The following TTC6 variants were observed in gnomAD, a reference collection of about 807,000 sequenced individuals.
TTC6 encodes tetratricopeptide repeat protein 6.
TTC6 carries 172 observed loss-of-function variants against 210.4 expected under a neutral mutation model. That is an observed-to-expected ratio of 0.82 (90% CI 0.72 to 0.93). The LOEUF (loss-of-function observed/expected upper bound fraction) is 0.93, where lower values mean the gene tolerates loss of function less well. Among genes scored for constraint, TTC6 ranks in the 40% least tolerant of loss-of-function variants. TTC6 has a pLI of 0.00. For synonymous variants in TTC6, 804 were observed against 819.6 expected, an observed-to-expected ratio of 0.98 and a Z score of 0.32; for missense variants, 2,414 against 2,318.1, an observed-to-expected ratio of 1.04 and a Z score of -0.85.
intron 4 of TTC6, among the ~76,000 whole-genome samples, chr14:37,700,502 G>T (rs2095822863): frequency 6.6e-6 from 1 of 151,990 alleles, no homozygotes; most frequent in Non-Finnish European, 1.5e-5. Context: ...CAGCACTTTG[G>T]GAGGCCAAGG....
chr14:37,737,673 G>T, exon 9 of TTC6: 1 of 1,518,972 alleles, frequency 6.6e-7, no homozygotes, highest in East Asian at 2.5e-5. Flanking sequence ...TTCTTACCAA[G>T]AAAATCTGCA....
intron 29 of TTC6, among the ~76,000 whole-genome samples, chr14:37,839,052 ATTG>A (rs1258217420): frequency 1.3e-5 from 2 of 152,036 alleles, no homozygotes; most frequent in Admixed American, 1.3e-4. Flanking sequence ...CCAATCTATT[ATTG>A]TTGGGGATTT....
intron 1 of TTC6, among the ~76,000 whole-genome samples, chr14:37,637,288 T>C (rs543811563): frequency 2.9e-4 from 44 of 152,354 alleles, no homozygotes; most frequent in African/African-American, 1.0e-3. Flanking sequence ...AAATGTCTGA[T>C]CCAAAGGACA....
At chr14:37,687,040 A>G (rs1200349368) in intron 3 of TTC6, among the ~76,000 whole-genome samples, 1 of 152,144 alleles carries the variant, frequency 6.6e-6, no homozygotes, top group Non-Finnish European at 1.5e-5. Flanking sequence ...AGGACACAGA[A>G]CCTGACTGTA....
intron 5 of TTC6, among the ~76,000 whole-genome samples, chr14:37,705,630 G>A (rs1425516193): frequency 6.6e-6 from 1 of 152,128 alleles, no homozygotes; most frequent in Non-Finnish European, 1.5e-5. Context: ...CTCTGTGGTA[G>A]GCATAGAGGT....
intron 14 of TTC6, among the ~76,000 whole-genome samples, chr14:37,786,816 C>A (rs1237470386): frequency 6.6e-6 from 1 of 152,306 alleles, no homozygotes; most frequent in Non-Finnish European, 1.5e-5. Flanking sequence ...TAGCTTCTTT[C>A]TTCTGTTTTT....
exon 1 of TTC6, chr14:37,622,941 G>T (rs745759551): frequency 2.6e-6 from 4 of 1,531,268 alleles, no homozygotes; most frequent in South Asian, 1.2e-5. Flanking sequence ...GCTGGCCTCC[G>T]ACCAGACCAT....
At chr14:37,631,376 A>T (rs143817502) in intron 1 of TTC6, among the ~76,000 whole-genome samples, 1 of 152,114 alleles carries the variant, frequency 6.6e-6, no homozygotes, top group East Asian at 1.9e-4. Flanking sequence ...TATGAAGCTT[A>T]GTTTGGCTGG....
intron 1 of TTC6, among the ~76,000 whole-genome samples, chr14:37,599,112 T>C (rs1265676661): frequency 6.6e-6 from 1 of 152,160 alleles, no homozygotes; most frequent in Non-Finnish European, 1.5e-5. Flanking sequence ...TGCGTGTGCC[T>C]GGCCTTCGCA....
At chr14:37,769,019 T>G (rs1048611105) in intron 14 of TTC6, among the ~76,000 whole-genome samples, 4 of 152,202 alleles carry the variant, frequency 2.6e-5, no homozygotes, top group Non-Finnish European at 5.9e-5. Context: ...GAAGGGCTGT[T>G]GAATTTTGTC....
At chr14:37,755,257 C>T (rs1166933547) in intron 14 of TTC6, among the ~76,000 whole-genome samples, 1 of 151,654 alleles carries the variant, frequency 6.6e-6, no homozygotes, top group Non-Finnish European at 1.5e-5. Flanking sequence ...GGTTTAAGTT[C>T]CTTGTAGATT....
chr14:37,625,052 C>T (rs1045541667), intron 1 of TTC6, among the ~76,000 whole-genome samples: 10 of 152,150 alleles, frequency 6.6e-5, no homozygotes, highest in African/African-American at 2.2e-4. Context: ...CTCTGCCTCT[C>T]ATTATCTTGA....
chr14:37,622,513 TC>T lies in TTC6; in HGVS notation c.451del (p.Leu151CysfsTer9), dbSNP rs778784784. On this transcript the variant is annotated frameshift_variant, in exon 1 of 31. Transcript: ENST00000553443. LOFTEE classifies it high-confidence loss of function. Reference sequence around the variant, plus strand: ...GGGTTCGGCACGGCCAGACCCGTGGTCCTGCTGCCTCCGCCCGAGCCACCCG... The same window carrying T: ...GGGTTCGGCACGGCCAGACCCGTGGTCTGCTGCCTCCGCCCGAGCCACCCG... 2 of 1,535,116 alleles carry T rather than the reference TC, an allele frequency of 1.3e-6. No homozygotes were observed. Among genetic ancestry groups the T allele is most frequent in the South Asian group, 2.4e-5 (2 of 84,040 alleles).
chr14:37,612,000 T>C (rs528381025), intron 2 of TTC6, among the ~76,000 whole-genome samples: 1 of 152,172 alleles, frequency 6.6e-6, no homozygotes, highest in Admixed American at 6.5e-5. Context: ...AGTTTTTTTT[T>C]TTAACATGCA....
At chr14:37,721,517 T>C (rs1447043701) in intron 6 of TTC6, among the ~76,000 whole-genome samples, 2 of 152,124 alleles carry the variant, frequency 1.3e-5, no homozygotes, top group East Asian at 1.9e-4. Flanking sequence ...TCGGGTGTTT[T>C]ATTTGAAGTG....
chr14:37,628,583 T>C (rs1257274845), intron 1 of TTC6, among the ~76,000 whole-genome samples: 1 of 152,224 alleles, frequency 6.6e-6, no homozygotes, highest in Non-Finnish European at 1.5e-5. Context: ...GATAGTTTGT[T>C]TTGCTGTGCA....
intron 14 of TTC6, among the ~76,000 whole-genome samples, chr14:37,762,954 G>T (rs2095988934): frequency 6.7e-6 from 1 of 149,706 alleles, no homozygotes; most frequent in African/African-American, 2.5e-5. Flanking sequence ...GTGCCATCTG[G>T]GCTCACTGCA....
chr14:37,603,164 T>A (rs1409708991), intron 1 of TTC6, among the ~76,000 whole-genome samples: 2 of 152,080 alleles, frequency 1.3e-5, no homozygotes, highest in African/African-American at 4.8e-5. Flanking sequence ...GGCGTTAGGA[T>A]TGGGGTGGGG....
chr14:37,630,064 C>T (rs546384194), intron 1 of TTC6, among the ~76,000 whole-genome samples: 34 of 152,126 alleles, frequency 2.2e-4, no homozygotes, highest in African/African-American at 7.7e-4. Flanking sequence ...AAGGGTTTTT[C>T]GTGTCTCTGC....
Sources: allele counts gnomAD v4.1 joint callset (sites outside exome capture counted in the v4.1 genomes callset), GRCh38; gene constraint gnomAD v4.1.1; transcripts MANE v1.5; gene names NCBI Gene and HGNC (gene_info 2026-07-23, HGNC 2026-07-21).